The following LMNA variants were observed in gnomAD, a reference collection of about 807,000 sequenced individuals.
LMNA encodes the protein lamin A/C, also known as lamin.
LMNA carries 20 observed loss-of-function variants against 70.4 expected under a neutral mutation model. The observed-to-expected ratio is 0.28, with a 90% CI of 0.20 to 0.41. The LOEUF is 0.41. Ranked by LOEUF, LMNA falls within the 10% of genes least tolerant of loss-of-function variation. The probability of loss-of-function intolerance (pLI) is 1.00; values close to 1 mark genes in which losing one functional copy is unlikely to be tolerated. For synonymous variants in LMNA, 339 were observed against 372.8 expected, an observed-to-expected ratio of 0.91 and a Z score of 1.04; for missense variants, 652 against 917.2, an observed-to-expected ratio of 0.71 and a Z score of 3.73.
In LMNA at chr1:156,084,332, GGGTGGT is replaced by G. The variant is rs1222191702; in HGVS notation, c.-319+1151_-319+1156del. Among the ~76,000 whole-genome samples the G allele has an allele frequency of 1.2e-4, 12 of 96,666 alleles. 3 individuals carry two copies. The highest frequency in any genetic ancestry group is 4.3e-4 in the African/African-American group (8 of 18,454). 63.4% of individuals were successfully genotyped at this position (96,666 alleles called of 152,430 possible). A position where few individuals can be genotyped will look rare whatever the true frequency, so the allele number is the denominator to read the frequency against. The stretch of plus-strand genomic sequence containing the variant: ...GAGCTGAGGATCTCAGAAGGTCGGG[GGGTGGT>G]GGGGGCAGTTGGCACACTGCAGGGA... On this transcript the variant is annotated intron_variant, in intron 2 of 12. Transcript: ENST00000368301.
intron 3 of LMNA, among the ~76,000 whole-genome samples, chr1:156,096,702 C>T (rs1285287347): frequency 1.3e-5 from 2 of 152,270 alleles, no homozygotes; most frequent in African/African-American, 2.4e-5. Context: ...TCTGGAAGGA[C>T]ACAGTCAGGG....
chr1:156,109,891 A>G (rs1649475095), upstream of LMNA: 1 of 150,706 alleles, frequency 6.6e-6, no homozygotes, highest in African/African-American at 2.5e-5. Context: ...TCTCTTGCTC[A>G]GGCTGGAGTG....
intron 3 of LMNA, among the ~76,000 whole-genome samples, chr1:156,099,143 G>A (rs1649048542): frequency 6.6e-6 from 1 of 152,158 alleles, no homozygotes; most frequent in African/African-American, 2.4e-5. Flanking sequence ...CCTTCCCTTT[G>A]AAGGAGAGGG....
chr1:156,110,832 C>T (rs192603285), upstream of LMNA, among the ~76,000 whole-genome samples: 122 of 151,758 alleles, frequency 8.0e-4, 2 homozygotes, highest in East Asian at 0.022. Context: ...AAAAATTAGC[C>T]GGGTGTGGTG....
At chr1:156,116,046 G>A (rs917354622) in intron 1 of LMNA, among the ~76,000 whole-genome samples, 2 of 152,222 alleles carry the variant, frequency 1.3e-5, no homozygotes, top group African/African-American at 4.8e-5. Context: ...GGGAGGGAGG[G>A]AGGCAGAGGG....
chr1:156,097,895 C>T (rs952282363), intron 3 of LMNA, among the ~76,000 whole-genome samples: 1 of 152,212 alleles, frequency 6.6e-6, no homozygotes, highest in Non-Finnish European at 1.5e-5. Flanking sequence ...GTAGCTCCCC[C>T]ACCGTTTTCT....
Position 156,114,964 on chromosome 1 carries a change from GC to G in LMNA, c.48del (p.Ser17AlafsTer79), listed in dbSNP as rs794726921. ...GCGCGCCACCCGCAGCGGGGCGCAG[GC>G]CAGCTCCACTCCGCTGTCGCCCACC... ...QRRATRSGAQ[A>X]SSTPLSPTRI... On this transcript the variant is annotated frameshift_variant, in exon 1 of 12. Transcript: ENST00000368300. LOFTEE classifies it high-confidence loss of function. The G allele has an allele frequency of 6.3e-7, 1 of 1,586,722 alleles. No homozygotes were observed. Among genetic ancestry groups the G allele is most frequent in the Non-Finnish European group, 8.6e-7 (1 of 1,167,200 alleles).
chr1:156,117,639 C>T (rs1649926037), intron 1 of LMNA, among the ~76,000 whole-genome samples: 1 of 152,198 alleles, frequency 6.6e-6, no homozygotes, highest in South Asian at 2.1e-4. Flanking sequence ...AGCCATCCTC[C>T]CGCCTCAGCC....
In LMNA at chr1:156,138,754, C is replaced by T. The variant is rs781255269; in HGVS notation, c.1965C>T (p.Thr655=). Residue 655 remains threonine, a synonymous_variant, in exon 11 of 12, where the codon ACC becomes ACT. Coordinates refer to ENST00000368300, the MANE Select transcript of LMNA (RefSeq NM_170707.4). The surrounding 1 kb of genome is among the most constrained non-coding windows in gnomAD (Gnocchi z 5.5). The stretch of plus-strand genomic sequence containing the variant: ...TCCTGGGCAACTCCAGCCCCCGAAC[C>T]CAGGTGAGTTGTCTCTGCTTTGTCT... ...SYLLGNSSPR[T]QSPQNCSIM is the part of the protein sequence containing the mutation. 1 of 1,613,418 alleles carries T rather than the reference C, an allele frequency of 6.2e-7. No individual in the cohort carries two copies.
At chr1:156,119,918 T>C (rs1040093111) in intron 1 of LMNA, among the ~76,000 whole-genome samples, 1 of 152,202 alleles carries the variant, frequency 6.6e-6, no homozygotes, top group Non-Finnish European at 1.5e-5. Context: ...CATAGCTCTC[T>C]CTGGACAGGT....
chr1:156,134,720 G>A lies in LMNA; in HGVS notation c.640-85G>A, dbSNP rs1651380376. 6 of 1,589,498 alleles carry A rather than the reference G, an allele frequency of 3.8e-6. No individual in the cohort carries two copies. In the Admixed American group the frequency reaches 1.0e-4, roughly 27 times the overall value. On this transcript the variant is annotated intron_variant, in intron 3 of 11. Transcript: ENST00000368300. This position sits in a 1 kb window ranked among gnomAD's most constrained non-coding sequence, Gnocchi z 5.3. ...TGGTAGTGGCTCATGGAGTAGGGCT[G>A]GGCAGGGAGCCCCGCCCCTGGGTCT... is the stretch of plus-strand genomic sequence containing the variant.
At position 156,139,432 on chromosome 1, in the gene LMNA, AG is replaced by A. The variant is rs937775744; in HGVS notation, c.*330del. On this transcript the variant is annotated 3_prime_UTR_variant, in exon 12 of 12. Coordinates refer to ENST00000368300, the MANE Select transcript of LMNA (RefSeq NM_170707.4). The stretch of plus-strand genomic sequence containing the variant: ...GGGCTTCCTCTAGAAGCCAAGGGAA[AG>A]GGGTGCTTTTATAGAGGCTAGCTTC... The A allele has an allele frequency of 1.3e-3, 1,770 of 1,347,556 alleles. 3 individuals are homozygous for A. Among genetic ancestry groups the A allele is most frequent in the Non-Finnish European group, 1.5e-3 (1,538 of 1,051,770 alleles). 83.5% of individuals were successfully genotyped at this position (1,347,556 alleles called of 1,614,324 possible).
chr1:156,124,158 G>A (rs1041293298), intron 1 of LMNA, among the ~76,000 whole-genome samples: 1 of 152,114 alleles, frequency 6.6e-6, no homozygotes, highest in Non-Finnish European at 1.5e-5. Flanking sequence ...TGAGGGAGTC[G>A]GGGTGTTTCA....
chr1:156,110,962 C>T (rs944603875), upstream of LMNA, among the ~76,000 whole-genome samples: 8 of 151,290 alleles, frequency 5.3e-5, no homozygotes, highest in South Asian at 2.1e-4. Context: ...GGCAACAGAG[C>T]GAGACTCCAA....
intron 2 of LMNA, among the ~76,000 whole-genome samples, chr1:156,084,287 T>C (rs1467617592): frequency 8.1e-6 from 1 of 123,372 alleles, no homozygotes; most frequent in Admixed American, 1.0e-4. Context: ...ATTTGCACAC[T>C]AATGGGAGTG....
Position 156,115,336 on chromosome 1 carries a change from C to A in LMNA, c.356+62C>A. 2 of 1,451,748 alleles carry A rather than the reference C, an allele frequency of 1.4e-6. No homozygotes were observed. Among genetic ancestry groups the A allele is most frequent in the East Asian group, 2.4e-5 (1 of 42,022 alleles). The allele number at this position is 1,451,748 out of a possible 1,614,324, so 89.9% of individuals were successfully genotyped here. On this transcript the variant is annotated intron_variant, in intron 1 of 11. Coordinates refer to ENST00000368300, the MANE Select transcript of LMNA (RefSeq NM_170707.4). The surrounding 1 kb of genome is among the most constrained non-coding windows in gnomAD (Gnocchi z 5.8). ...GTGGAGAGGGCGGCGGGCCGGCGCC[C>A]CTGGCCGGCCGCAGGAAGGGAGTGA...
chr1:156,138,354 C>G lies in LMNA; in HGVS notation c.1699-134C>G. 1 of 1,001,402 alleles carries G rather than the reference C, an allele frequency of 1.0e-6. No homozygotes were observed. Among genetic ancestry groups the G allele is most frequent in the Non-Finnish European group, 1.5e-6 (1 of 687,380 alleles). The allele number at this position is 1,001,402 out of a possible 1,614,324, so 62.0% of individuals were successfully genotyped here. On this transcript the variant is annotated intron_variant, in intron 10 of 11. Coordinates refer to ENST00000368300, the MANE Select transcript of LMNA (RefSeq NM_170707.4). This position sits in a 1 kb window ranked among gnomAD's most constrained non-coding sequence, Gnocchi z 5.5. ...CCCTAGCCTCCCAAACCCCCATTGC[C>G]CGCTGGCTCCTTGGGCACAGAACCA...
chr1:156,097,351 A>G (rs1648975607), intron 3 of LMNA, among the ~76,000 whole-genome samples: 1 of 152,206 alleles, frequency 6.6e-6, no homozygotes, highest in Non-Finnish European at 1.5e-5. Flanking sequence ...CTGAGCATGC[A>G]TTCCCCCAGC....
chr1:156,135,229 G>T lies in LMNA; in HGVS notation c.853G>T (p.Val285Leu), dbSNP rs746056534. 1.2e-6 allele frequency: 2 copies of T among 1,613,914 alleles called. No individual in the cohort carries two copies. Among genetic ancestry groups the T allele is most frequent in the Admixed American group, 3.3e-5 (2 of 60,026 alleles). Reference protein sequence around the residue: ...RQSAERNSNLVGAAHEELQQS... With the variant: ...RQSAERNSNLLGAAHEELQQS... The stretch of plus-strand genomic sequence containing the variant: ...GTCTGCTGAGAGGAACAGCAACCTG[G>T]TGGGGGCTGCCCACGAGGAGCTGCA... Residue 285 changes from valine (V) to leucine (L), a missense_variant, in exon 5 of 12, where the codon GTG becomes TTG. This residue lies in a region of LMNA where 254 missense variants were observed against 421.9 expected (regional missense o/e 0.60). Coordinates refer to ENST00000368300, the MANE Select transcript of LMNA (RefSeq NM_170707.4). This position sits in a 1 kb window ranked among gnomAD's most constrained non-coding sequence, Gnocchi z 4.8.
Sources: gnomAD v4.1 joint callset for allele counts (sites outside exome capture counted in the v4.1 genomes callset) on GRCh38, gnomAD v4.1.1 for gene constraint, gnomAD v4.1.1 regional missense constraint, Gnocchi (gnomAD v3.1) non-coding constraint, MANE v1.5 for transcripts, NCBI Gene and HGNC (gene_info 2026-07-23, HGNC 2026-07-21) for gene names.